The following GET1 variants were observed in gnomAD, a reference collection of about 807,000 sequenced individuals.
GET1 encodes congenital heart disease 5 protein.
A neutral mutation model predicts 22.6 loss-of-function variants in GET1; 20 were observed. The observed-to-expected ratio is 0.89, with a 90% CI of 0.62 to 1.29. The LOEUF is 1.29. Ranked by LOEUF, GET1 falls within the 50% of genes most tolerant of loss-of-function variation. The probability of loss-of-function intolerance (pLI) is 0.00; values close to 1 mark genes in which losing one functional copy is unlikely to be tolerated. For synonymous variants in GET1, 92 were observed against 83.8 expected (o/e 1.10, Z -0.53); for missense variants, 209 against 219.9 (o/e 0.95, Z 0.31).
At chr21:39,405,835 T>A (rs1410342632) in intron 4 of GET1, 2 of 1,368,312 alleles carry the variant, frequency 1.5e-6, no homozygotes, top group Non-Finnish European at 2.0e-6. Context: ...GCAAGGCACA[T>A]AAGCAGCATT....
chr21:39,410,987 TGGG>T, downstream of GET1: 1 of 467,902 alleles, frequency 2.1e-6, no homozygotes, highest in South Asian at 1.6e-5. Flanking sequence ...TGGGAGATTT[TGGG>T]GGGAAAGCAG....
At chr21:39,420,900 C>T in intron 1 of GET1, 1 of 1,366,416 alleles carries the variant, frequency 7.3e-7, no homozygotes, top group South Asian at 1.2e-5. Flanking sequence ...TTAAAAACTT[C>T]AATTATCATG....
chr21:39,401,541 C>T (rs972899166), downstream of GET1, among the ~76,000 whole-genome samples: 1 of 152,202 alleles, frequency 6.6e-6, no homozygotes, highest in African/African-American at 2.4e-5. Context: ...ATTTCCTATT[C>T]GTCAGAGTTG....
intron 1 of GET1, chr21:39,420,616 A>C: frequency 8.4e-7 from 1 of 1,189,450 alleles, no homozygotes; most frequent in Admixed American, 2.1e-5. Context: ...ATGTAAAATA[A>C]AAAATCACTT....
In GET1 at chr21:39,390,688, G is replaced by A. The variant is rs949531165; in HGVS notation, c.103-10G>A. The A allele has an allele frequency of 4.3e-6, 7 of 1,613,846 alleles. No homozygotes were observed. In the East Asian group the frequency reaches 6.7e-5, roughly 15 times the overall value. ...TGGAAGGTGCTGATCCCCGTTGTCC[G>A]CCCTGCCAGATGTCCAGGGTGCTGC... On this transcript the variant is annotated splice_polypyrimidine_tract_variant and intron_variant, in intron 1 of 4. Transcript: ENST00000649170.
intron 1 of GET1, among the ~76,000 whole-genome samples, chr21:39,426,520 A>G (rs2147858772): frequency 1.3e-5 from 2 of 152,354 alleles, no homozygotes; most frequent in African/African-American, 4.8e-5. Flanking sequence ...AGGTGAGTGC[A>G]TATATGGTAT....
At chr21:39,419,581 A>G (rs1264727438) in intron 1 of GET1, among the ~76,000 whole-genome samples, 6 of 151,872 alleles carry the variant, frequency 4.0e-5, no homozygotes, top group African/African-American at 1.5e-4. Context: ...TATAGTGCTA[A>G]ATTTCTTATG....
chr21:39,418,289 AC>A (rs1460807239), intron 1 of GET1, among the ~76,000 whole-genome samples: 5 of 152,138 alleles, frequency 3.3e-5, no homozygotes, highest in Admixed American at 6.5e-5. Flanking sequence ...TTCTTCACTT[AC>A]CAGTGTATCC....
At chr21:39,418,587 G>A (rs2041719316) in intron 1 of GET1, among the ~76,000 whole-genome samples, 1 of 152,028 alleles carries the variant, frequency 6.6e-6, no homozygotes, top group Non-Finnish European at 1.5e-5. Context: ...TGCAACCTCT[G>A]CTTCCCAGGT....
At chr21:39,403,989 G>C (rs2038918277) in intron 4 of GET1, among the ~76,000 whole-genome samples, 1 of 151,970 alleles carries the variant, frequency 6.6e-6, no homozygotes, top group South Asian at 2.1e-4. Context: ...GCAGTGGCAC[G>C]ATCCTGGCTC....
At chr21:39,419,480 G>C (rs924251341) in intron 1 of GET1, among the ~76,000 whole-genome samples, 1 of 144,674 alleles carries the variant, frequency 6.9e-6, no homozygotes, top group Non-Finnish European at 1.5e-5. Context: ...AGCCAGGATG[G>C]TGCCACCGCA....
intron 1 of GET1, among the ~76,000 whole-genome samples, chr21:39,412,970 C>CAA (rs2040371130): frequency 6.6e-6 from 1 of 152,138 alleles, no homozygotes; most frequent in East Asian, 1.9e-4. Context: ...TCCAGGTGCT[C>CAA]CCATAGCACA....
intron 1 of GET1, among the ~76,000 whole-genome samples, chr21:39,381,682 T>C (rs1000411696): frequency 5.3e-5 from 8 of 152,186 alleles, no homozygotes; most frequent in Non-Finnish European, 1.0e-4. Context: ...TTTATCATCT[T>C]TATCATTTTT....
intron 1 of GET1, among the ~76,000 whole-genome samples, chr21:39,412,917 G>A (rs2040358838): frequency 6.6e-6 from 1 of 152,236 alleles, no homozygotes; most frequent in East Asian, 1.9e-4. Context: ...AGTGGGACCT[G>A]TGGAGGGAGC....
chr21:39,397,099 T>C lies in GET1; in HGVS notation c.*160T>C, dbSNP rs543830824. ...TCTTGGACTTTATGAGAGAGTCTTATAAGAATCACGATTTTCTACACCTGT... is the reference window on the plus strand; with the variant it reads ...TCTTGGACTTTATGAGAGAGTCTTACAAGAATCACGATTTTCTACACCTGT... On this transcript the variant is annotated 3_prime_UTR_variant, in exon 5 of 5. Coordinates refer to ENST00000649170, the MANE Select transcript of GET1 (RefSeq NM_004627.6). 40 of 729,874 alleles carry C rather than the reference T, an allele frequency of 5.5e-5. No individual in the cohort carries two copies. The South Asian group carries it at 6.1e-4, about 11-fold the overall frequency. 45.2% of individuals were successfully genotyped at this position (729,874 alleles called of 1,614,324 possible). A position where few individuals can be genotyped will look rare whatever the true frequency, so the allele number is the denominator to read the frequency against.
chr21:39,388,627 A>G (rs1270207944), intron 1 of GET1, among the ~76,000 whole-genome samples: 3 of 152,112 alleles, frequency 2.0e-5, no homozygotes, highest in African/African-American at 4.8e-5. Context: ...CTGGTGTGGG[A>G]CTGGGATTTG....
chr21:39,385,315 C>A (rs1202513888), intron 1 of GET1, among the ~76,000 whole-genome samples: 1 of 152,148 alleles, frequency 6.6e-6, no homozygotes, highest in East Asian at 1.9e-4. Flanking sequence ...CTCCCCCCTC[C>A]CCCCGCGTGA....
downstream of GET1, chr21:39,410,842 A>G (rs1343898823): frequency 4.2e-6 from 2 of 471,096 alleles, no homozygotes; most frequent in Non-Finnish European, 8.8e-6. Flanking sequence ...CTATTATTCT[A>G]GATTATAAGC....
chr21:39,386,871 G>T (rs1385190800), intron 1 of GET1, among the ~76,000 whole-genome samples: 3 of 151,320 alleles, frequency 2.0e-5, no homozygotes, highest in Non-Finnish European at 2.9e-5. Context: ...TAGAGACAGG[G>T]TCTCACTCTG....
Sources: allele counts gnomAD v4.1 joint callset (sites outside exome capture counted in the v4.1 genomes callset), GRCh38; gene constraint gnomAD v4.1.1; transcripts MANE v1.5; gene names NCBI Gene and HGNC (gene_info 2026-07-23, HGNC 2026-07-21).